Variants in CHLSN observed in about 807,000 individuals in gnomAD.
The protein encoded by CHLSN is protein cholesin.
At chr7:1,075,010 C>T in the CHLSN span, among the ~76,000 whole-genome samples, 1 of 152,232 alleles carries the variant, frequency 6.6e-6, no homozygotes, top group Non-Finnish European at 1.5e-5. Flanking sequence ...CTTGTGACTG[C>T]AGATGTGTGG....
the CHLSN span, among the ~76,000 whole-genome samples, chr7:1,001,713 G>C: frequency 8.8e-6 from 1 of 114,134 alleles, no homozygotes; most frequent in Non-Finnish European, 1.8e-5. Context: ...GGGGAGTCCT[G>C]TGGGTTAGTG....
the CHLSN span, among the ~76,000 whole-genome samples, chr7:990,329 T>C: frequency 2.1e-4 from 14 of 66,912 alleles, no homozygotes; most frequent in Non-Finnish European, 2.5e-4. Context: ...AGTGTGACAG[T>C]GGCGCGTGTG....
At chr7:1,130,824 G>A in the CHLSN span, among the ~76,000 whole-genome samples, 1 of 152,180 alleles carries the variant, frequency 6.6e-6, no homozygotes. Context: ...AGCCCGGACG[G>A]CTCAGACACA....
the CHLSN span, among the ~76,000 whole-genome samples, chr7:1,115,245 G>C: frequency 6.6e-6 from 1 of 152,132 alleles, no homozygotes; most frequent in Admixed American, 6.5e-5. Flanking sequence ...ATCATGTCTG[G>C]GTGTTAAATT....
chr7:995,218 C>T, the CHLSN span, among the ~76,000 whole-genome samples: 361 of 152,334 alleles, frequency 2.4e-3, 3 homozygotes, highest in Non-Finnish European at 3.9e-3. Flanking sequence ...TAGGGAGACC[C>T]CAGGGCATTG....
the CHLSN span, among the ~76,000 whole-genome samples, chr7:1,029,991 G>T: frequency 6.6e-6 from 1 of 152,202 alleles, no homozygotes; most frequent in South Asian, 2.1e-4. Context: ...CAGTGCTTCC[G>T]ATTTAGTGTC....
chr7:1,006,871 G>A, the CHLSN span, among the ~76,000 whole-genome samples: 3 of 152,116 alleles, frequency 2.0e-5, no homozygotes, highest in African/African-American at 7.2e-5. Context: ...GCTCCCACCA[G>A]CCCCAGCTTC....
the CHLSN span, chr7:1,093,209 A>G: frequency 2.0e-6 from 1 of 505,588 alleles, no homozygotes; most frequent in South Asian, 1.5e-5. Context: ...TCGACCAGGA[A>G]AGCCACACGG....
At chr7:1,100,758 G>T in the CHLSN span, among the ~76,000 whole-genome samples, 499 of 152,010 alleles carry the variant, frequency 3.3e-3, no homozygotes, top group Middle Eastern at 0.024. Context: ...CTCCACAGGG[G>T]CTTCTTGTGG....
the CHLSN span, among the ~76,000 whole-genome samples, chr7:1,081,088 C>T: frequency 2.0e-5 from 3 of 152,262 alleles, no homozygotes; most frequent in Non-Finnish European, 4.4e-5. Context: ...GCACGCCCCC[C>T]ACCCGGCAGC....
At chr7:1,076,883 C>T in the CHLSN span, among the ~76,000 whole-genome samples, 3 of 152,258 alleles carry the variant, frequency 2.0e-5, no homozygotes, top group Admixed American at 6.5e-5. Flanking sequence ...CCCTGGGTGA[C>T]GCTCCTGGCA....
the CHLSN span, among the ~76,000 whole-genome samples, chr7:1,048,858 T>C: frequency 0.11 from 16,294 of 152,236 alleles, 1,158 homozygotes; most frequent in Middle Eastern, 0.2. Flanking sequence ...GTTCTCCTTC[T>C]CAGTCCCATG....
chr7:1,081,966 G>A, the CHLSN span: 8 of 152,242 alleles, frequency 5.3e-5, no homozygotes, highest in Admixed American at 1.3e-4. Context: ...GACCGCACGG[G>A]AGAGCAGGGC....
At chr7:1,127,366 TTTCTC>T in the CHLSN span, 10 of 1,608,068 alleles carry the variant, frequency 6.2e-6, no homozygotes, top group South Asian at 1.1e-5. Flanking sequence ...TTCAGGAACT[TTTCTC>T]TTCTGTTTTG....
the CHLSN span, among the ~76,000 whole-genome samples, chr7:1,124,749 A>T: frequency 1.3e-5 from 2 of 150,922 alleles, no homozygotes; most frequent in Non-Finnish European, 2.9e-5. Flanking sequence ...AAAGCACAAA[A>T]AAAAAAAAAA....
the CHLSN span, chr7:1,058,084 C>T: frequency 2.0e-5 from 15 of 766,536 alleles, no homozygotes; most frequent in East Asian, 1.5e-4. Flanking sequence ...GCCGACGCCA[C>T]GCTGGTGTTC....
chr7:1,002,304 G>A, the CHLSN span, among the ~76,000 whole-genome samples: 3,967 of 114,176 alleles, frequency 0.035, 179 homozygotes, highest in Non-Finnish European at 0.049. Flanking sequence ...TGGGTGGGGA[G>A]TCCTGTGGGT....
At chr7:984,325 C>A in the CHLSN span, 12 of 1,486,654 alleles carry the variant, frequency 8.1e-6, no homozygotes, top group East Asian at 2.5e-4. Context: ...TGTCCCCACC[C>A]CTACCCAGCA....
At chr7:1,097,114 A>C in the CHLSN span, among the ~76,000 whole-genome samples, 3 of 152,196 alleles carry the variant, frequency 2.0e-5, no homozygotes, top group Admixed American at 6.5e-5. The surrounding 1 kb of genome is among the most constrained non-coding windows in gnomAD (Gnocchi z 4.3). Context: ...TGAAAGTAAG[A>C]AGCAGCACAC....
Sources: allele counts gnomAD v4.1 joint callset (sites outside exome capture counted in the v4.1 genomes callset), GRCh38; gene constraint gnomAD v4.1.1; non-coding constraint Gnocchi (gnomAD v3.1); transcripts MANE v1.5; gene names NCBI Gene and HGNC (gene_info 2026-07-23, HGNC 2026-07-21).